LPP: variants seen among roughly 807,000 people sequenced by gnomAD.
The protein encoded by LPP is lipoma-preferred partner.
In LPP, 38 loss-of-function variants were observed where a neutral mutation model predicts 60.4. The observed-to-expected ratio is 0.63, with a 90% CI of 0.49 to 0.83. The LOEUF (loss-of-function observed/expected upper bound fraction) is 0.83. LPP is among the 40% of genes least tolerant of loss of function. LPP has a pLI of 0.00. For synonymous variants in LPP, 328 were observed against 290.8 expected, an observed-to-expected ratio of 1.13 and a Z score of -1.30; for missense variants, 902 against 783.6, an observed-to-expected ratio of 1.15 and a Z score of -1.80.
intron 2 of LPP, among the ~76,000 whole-genome samples, chr3:188,320,311 T>C (rs1756547884): frequency 6.6e-6 from 1 of 152,340 alleles, no homozygotes; most frequent in South Asian, 2.1e-4. Context: ...CCAAATCACA[T>C]GGACCTCAAA....
intron 1 of LPP, among the ~76,000 whole-genome samples, chr3:188,218,208 C>CT (rs1269397790): frequency 6.6e-6 from 1 of 152,218 alleles, no homozygotes; most frequent in Non-Finnish European, 1.5e-5. Context: ...TACCAGCCCT[C>CT]TTTTTTCATT....
At chr3:188,599,896 T>G (rs1180577018) in intron 6 of LPP, among the ~76,000 whole-genome samples, 1 of 151,988 alleles carries the variant, frequency 6.6e-6, no homozygotes, top group East Asian at 1.9e-4. Flanking sequence ...TGATTTTTAT[T>G]TCGTGCATAA....
chr3:188,240,431 T>G (rs1723885452), intron 2 of LPP, among the ~76,000 whole-genome samples: 1 of 148,380 alleles, frequency 6.7e-6, no homozygotes, highest in East Asian at 2.0e-4. Context: ...GAGGGAGAGG[T>G]CAGATTGTTT....
intron 3 of LPP, among the ~76,000 whole-genome samples, chr3:188,384,716 G>A (rs1298388792): frequency 2.1e-5 from 3 of 141,872 alleles, no homozygotes; most frequent in East Asian, 2.1e-4. Context: ...CTTGAACCAC[G>A]AAGTCGGAGG....
chr3:188,245,867 A>G (rs1395163903), intron 2 of LPP, among the ~76,000 whole-genome samples: 1 of 152,218 alleles, frequency 6.6e-6, no homozygotes, highest in Non-Finnish European at 1.5e-5. Context: ...AAAAAACAAA[A>G]TAATGATGAA....
chr3:188,439,152 T>A (rs2149237874), intron 4 of LPP, among the ~76,000 whole-genome samples: 1 of 152,348 alleles, frequency 6.6e-6, no homozygotes, highest in South Asian at 2.1e-4. Flanking sequence ...CCCTAAAGTT[T>A]GGTGATTAAG....
intron 4 of LPP, among the ~76,000 whole-genome samples, chr3:188,480,785 C>T (rs1435970200): frequency 1.3e-5 from 2 of 152,152 alleles, no homozygotes; most frequent in Non-Finnish European, 2.9e-5. Context: ...GAGGACAGGG[C>T]ATGCACTAAT....
At chr3:188,288,619 C>T (rs1263560630) in intron 2 of LPP, among the ~76,000 whole-genome samples, 1 of 151,682 alleles carries the variant, frequency 6.6e-6, no homozygotes, top group Non-Finnish European at 1.5e-5. Flanking sequence ...TGTATCTACA[C>T]CTGTCTATAC....
intron 5 of LPP, among the ~76,000 whole-genome samples, chr3:188,498,926 G>A (rs2149840249): frequency 6.6e-6 from 1 of 152,196 alleles, no homozygotes; most frequent in East Asian, 1.9e-4. Context: ...ATTCATGTAT[G>A]TATTAGCCAT....
chr3:188,785,547 T>TAC (rs1177987893), intron 9 of LPP, among the ~76,000 whole-genome samples: 2,961 of 43,828 alleles, frequency 0.068, 946 homozygotes, highest in African/African-American at 0.24. Flanking sequence ...TATATATATA[T>TAC]ACACACACAC....
At chr3:188,455,317 C>G (rs1428882991) in intron 4 of LPP, among the ~76,000 whole-genome samples, 1 of 152,132 alleles carries the variant, frequency 6.6e-6, no homozygotes, top group African/African-American at 2.4e-5. Flanking sequence ...AGATTCACTG[C>G]CTTCTATTCC....
chr3:188,202,297 GAGGGCCCTGGC>G (rs1030996712), intron 1 of LPP, among the ~76,000 whole-genome samples: 2 of 152,166 alleles, frequency 1.3e-5, no homozygotes, highest in Non-Finnish European at 2.9e-5. Flanking sequence ...GTGGTTCTGG[GAGGGCCCTGGC>G]AGCCAGCATT....
At chr3:188,552,421 G>A (rs1212191313) in intron 6 of LPP, among the ~76,000 whole-genome samples, 2 of 152,122 alleles carry the variant, frequency 1.3e-5, no homozygotes, top group Admixed American at 6.6e-5. Context: ...CTGGAGAATA[G>A]GAGTGGGCCT....
At chr3:188,717,721 G>A (rs1714622070) in intron 8 of LPP, among the ~76,000 whole-genome samples, 1 of 152,148 alleles carries the variant, frequency 6.6e-6, no homozygotes, top group Non-Finnish European at 1.5e-5. Flanking sequence ...GTTCAGAGTA[G>A]TATATGTTTA....
chr3:188,324,957 C>T (rs980135921), intron 2 of LPP, among the ~76,000 whole-genome samples: 24 of 151,968 alleles, frequency 1.6e-4, no homozygotes, highest in African/African-American at 5.3e-4. Flanking sequence ...TGTGAGATGA[C>T]TCTATGTTCT....
intron 4 of LPP, among the ~76,000 whole-genome samples, chr3:188,432,559 G>A (rs116249271): frequency 0.013 from 1,910 of 151,958 alleles, 34 homozygotes; most frequent in African/African-American, 0.043. Flanking sequence ...TTTGACCTAC[G>A]GCAAGAAGAA....
intron 6 of LPP, among the ~76,000 whole-genome samples, chr3:188,563,304 G>A (rs578051992): frequency 7.1e-4 from 108 of 151,978 alleles, no homozygotes; most frequent in African/African-American, 2.5e-3. Context: ...GCAGTGAGAA[G>A]TATATGAAGT....
chr3:188,388,888 T>G (rs1314117249), intron 3 of LPP, among the ~76,000 whole-genome samples: 1 of 152,172 alleles, frequency 6.6e-6, no homozygotes, highest in African/African-American at 2.4e-5. Flanking sequence ...CCTCAACTCT[T>G]TGTGCTGCAA....
intron 8 of LPP, among the ~76,000 whole-genome samples, chr3:188,735,688 A>G (rs1722260340): frequency 6.6e-6 from 1 of 152,150 alleles, no homozygotes; most frequent in Non-Finnish European, 1.5e-5. Flanking sequence ...CTGGCCTGTA[A>G]TAACATATTT....
Sources: allele counts gnomAD v4.1 joint callset (sites outside exome capture counted in the v4.1 genomes callset), GRCh38; gene constraint gnomAD v4.1.1; transcripts MANE v1.5; gene names NCBI Gene and HGNC (gene_info 2026-07-23, HGNC 2026-07-21).